Variants in FHIP1B observed in about 807,000 individuals in gnomAD.
The protein encoded by FHIP1B is FHF complex subunit HOOK interacting protein 1B.
FHIP1B carries 28 observed loss-of-function variants against 82.2 expected under a neutral mutation model. The observed-to-expected ratio is 0.34, with a 90% CI of 0.25 to 0.47. The LOEUF is 0.47. FHIP1B is among the 20% of genes least tolerant of loss of function. The pLI is 1.00. For synonymous variants in FHIP1B, 585 were observed against 516.1 expected (o/e 1.13, Z -1.81); for missense variants, 1,110 against 1,262.6 (o/e 0.88, Z 1.83).
In FHIP1B at chr11:6,218,721, C is replaced by G. The variant is rs375612041; in HGVS notation, c.1314G>C (p.Pro438=). ...PCNHVMLSQK[P]AVRDVDLYGR... ...CATATAGGTCCACATCACGAACAGC[C>G]GGCTTCTGGCTCAGCATAACGTGGT... The change falls in exon 8 of 12, where the codon CCG becomes CCC. Residue 438 remains proline, a synonymous_variant. Transcript: ENST00000449352. 1.2e-6 allele frequency: 2 copies of G among 1,613,970 alleles called. No individual in the cohort carries two copies. The highest frequency in any genetic ancestry group is 1.7e-6 in the Non-Finnish European group (2 of 1,180,026).
At chr11:6,212,195 T>A (rs776359835) in intron 11 of FHIP1B, among the ~76,000 whole-genome samples, 4 of 152,168 alleles carry the variant, frequency 2.6e-5, no homozygotes, top group Non-Finnish European at 5.9e-5. Context: ...AGCCACTTCA[T>A]TCCCAGTTAA....
At chr11:6,214,034 G>GAAAAAAAAAAA (rs59502569) in intron 11 of FHIP1B, among the ~76,000 whole-genome samples, 1 of 36,610 alleles carries the variant, frequency 2.7e-5, no homozygotes, top group Non-Finnish European at 5.0e-5. Context: ...GACCTCTCCT[G>GAAAAAAAAAAA]AAAAAAAAAA....
chr11:6,224,086 G>C lies in FHIP1B; in HGVS notation c.301C>G (p.Leu101Val), dbSNP rs1168198485. 1 of 1,613,770 alleles carries C rather than the reference G, an allele frequency of 6.2e-7. No individual in the cohort carries two copies. The highest frequency in any genetic ancestry group is 8.5e-7 in the Non-Finnish European group (1 of 1,179,890). Residue 101 changes from leucine to valine, a missense_variant, in exon 3 of 12, where the codon CTG becomes GTG. Leu to Val is a conservative substitution (Grantham distance 32, BLOSUM62 1). Around this residue, in one of 6 missense-constraint regions of FHIP1B, gnomAD observed 467 missense variants for 602.9 expected, o/e 0.77. Coordinates refer to ENST00000449352, the MANE Select transcript of FHIP1B (RefSeq NM_001098794.2). ...TGPGPLLEFA[L>V]HEDLLTRVLT... is the part of the protein sequence containing the mutation. ...ACACGGGTCAGCAGATCCTCGTGCA[G>C]AGCAAACTCCAGCAGGGGCCCAGGG...
intron 4 of FHIP1B, 88 bp from the exon 5 acceptor site, chr11:6,222,985 T>A: frequency 1.3e-6 from 2 of 1,574,644 alleles, no homozygotes; most frequent in Non-Finnish European, 8.7e-7. Flanking sequence ...AGAGGCATCC[T>A]ACTTCCAAGA....
At chr11:6,217,103 G>A in intron 9 of FHIP1B, 2 of 703,098 alleles carry the variant, frequency 2.8e-6, no homozygotes, top group Non-Finnish European at 5.2e-6. Flanking sequence ...CCAGACTAGG[G>A]AAAGAGGAGG....
intron 1 of FHIP1B, among the ~76,000 whole-genome samples, chr11:6,228,424 G>A (rs528418099): frequency 2.6e-5 from 4 of 152,148 alleles, no homozygotes; most frequent in African/African-American, 9.7e-5. Context: ...TGATTTTGCT[G>A]TAGGATGGGG....
chr11:6,211,819 T>C lies in FHIP1B; in HGVS notation c.2606A>G (p.His869Arg), dbSNP rs767800471. Residue 869 changes from histidine (H) to arginine (R), a missense_variant, in exon 12 of 12, where the codon CAC becomes CGC. Coordinates refer to ENST00000449352, the MANE Select transcript of FHIP1B (RefSeq NM_001098794.2). ...CGCCTGCCGGGCCCTGGTTGGACTG[T>C]GTGCATGCCGCAGGAGTAACTCCCC... ...SLGELLLRHA[H>R]SPTRARQAAQ... 6.2e-6 allele frequency: 10 copies of C among 1,606,290 alleles called. No homozygotes were observed. Among genetic ancestry groups the C allele is most frequent in the Non-Finnish European group, 8.5e-6 (10 of 1,176,852 alleles).
intron 1 of FHIP1B, among the ~76,000 whole-genome samples, chr11:6,234,184 T>C (rs889532217): frequency 1.3e-5 from 2 of 152,006 alleles, no homozygotes; most frequent in African/African-American, 4.8e-5. Flanking sequence ...CTCACCAATT[T>C]GCCGCCACCC....
At position 6,217,650 on chromosome 11, in the gene FHIP1B, C is replaced by T. The variant is rs1272513162; in HGVS notation, c.1936G>A (p.Ala646Thr). The change falls in exon 9 of 12, where the codon GCC becomes ACC. Residue 646 changes from alanine to threonine, a missense_variant. Physicochemically the swap from Ala to Thr is moderately conservative, Grantham distance 58. Around this residue, in one of 6 missense-constraint regions of FHIP1B, gnomAD observed 418 missense variants for 371.4 expected, o/e 1.13. Coordinates refer to ENST00000449352, the MANE Select transcript of FHIP1B (RefSeq NM_001098794.2). ...TTTGGCACCAGACGAACCTTCTTGGCCCCCTCAGGCCATGATCCTGGCACT... is the reference window on the plus strand; with the variant it reads ...TTTGGCACCAGACGAACCTTCTTGGTCCCCTCAGGCCATGATCCTGGCACT... The part of the protein sequence containing the change: ...NGVPGSWPEG[A>T]KKVRLVPKEG... 2 of 1,614,002 alleles carry T rather than the reference C, an allele frequency of 1.2e-6. No individual in the cohort carries two copies. The highest frequency in any genetic ancestry group is 1.1e-5 in the South Asian group (1 of 91,056).
At chr11:6,216,024 T>A (rs932125718) in intron 9 of FHIP1B, among the ~76,000 whole-genome samples, 3 of 152,092 alleles carry the variant, frequency 2.0e-5, no homozygotes, top group Admixed American at 6.5e-5. Context: ...CCTGGAAGTT[T>A]CTTGGAAAAA....
At chr11:6,225,388 T>C (rs1176761064) in intron 1 of FHIP1B, among the ~76,000 whole-genome samples, 1 of 152,230 alleles carries the variant, frequency 6.6e-6, no homozygotes, top group East Asian at 1.9e-4. Flanking sequence ...TTTCAAATCA[T>C]CTCCCCAGAT....
At chr11:6,233,399 C>CAG (rs1427509032) in intron 1 of FHIP1B, among the ~76,000 whole-genome samples, 1 of 152,168 alleles carries the variant, frequency 6.6e-6, no homozygotes, top group East Asian at 1.9e-4. Flanking sequence ...TCCAGAATTT[C>CAG]ACGTGCATTT....
At position 6,217,700 on chromosome 11, in the gene FHIP1B, T is replaced by G. The variant is rs1847277112; in HGVS notation, c.1886A>C (p.His629Pro). 1 of 1,612,796 alleles carries G rather than the reference T, an allele frequency of 6.2e-7. No individual in the cohort carries two copies. The highest frequency in any genetic ancestry group is 1.3e-5 in the African/African-American group (1 of 74,836). ...RAGGAGEGPG[H>P]LPPPQLNGVP... ...TCCATTGAGCTGGGGAGGGGGCAGG[T>G]GACCAGGGCCCTCCCCTGCACCCCC... The change falls in exon 9 of 12, where the codon CAC becomes CCC. Residue 629 changes from histidine (H) to proline (P), a missense_variant. By Grantham distance (77) the His-to-Pro change is moderately conservative. Coordinates refer to ENST00000449352, the MANE Select transcript of FHIP1B (RefSeq NM_001098794.2).
Position 6,223,751 on chromosome 11 carries a change from G to A in FHIP1B, c.636C>T (p.Leu212=), listed in dbSNP as rs1847481728. 1.2e-6 allele frequency: 2 copies of A among 1,614,244 alleles called. No homozygotes were observed. Among genetic ancestry groups the A allele is most frequent in the Admixed American group, 1.7e-5 (1 of 60,032 alleles). ...PEPGAAPRLL[L]FSRLVPFVHR... is the part of the protein sequence containing the mutation. The stretch of plus-strand genomic sequence containing the variant: ...GCACAAAAGGGACAAGGCGAGAAAA[G>A]AGAAGAAGACGGGGAGCGGCTCCAG... Residue 212 remains leucine (L), a synonymous_variant, in exon 3 of 12, where the codon CTC becomes CTT. Coordinates refer to ENST00000449352, the MANE Select transcript of FHIP1B (RefSeq NM_001098794.2). This position sits in a 1 kb window ranked among gnomAD's most constrained non-coding sequence, Gnocchi z 4.8.
In FHIP1B at chr11:6,214,855, A is replaced by C; in HGVS notation, c.2272T>G (p.Tyr758Asp). 6.2e-7 allele frequency: 1 copy of C among 1,611,872 alleles called. No individual in the cohort carries two copies. Among genetic ancestry groups the C allele is most frequent in the Non-Finnish European group, 8.5e-7 (1 of 1,178,896 alleles). The change falls in exon 10 of 12, where the codon TAT becomes GAT. Residue 758 changes from tyrosine to aspartate, a missense_variant. Transcript: ENST00000449352. Reference protein sequence around the residue: ...KLENMLQNSVYVNFLLTGLVA... With the variant: ...KLENMLQNSVDVNFLLTGLVA... ...AGCCCCGTCAGCAGGAAGTTGACAT[A>C]GACGGAGTTCTGCAGCATGTTCTCG...
rs1847267831 is a variant in FHIP1B at position 6,217,510 on chromosome 11, T to C, written c.2076A>G (p.Ser692=). The stretch of plus-strand genomic sequence containing the variant: ...GCAGTGGAGGTTCTAAGGGGGACTC[T>C]GAGCCAGTTCCCCCATTGCTCAATG... ...EVALSNGGTG[S]ESPLEPPLPL... is the part of the protein sequence containing the mutation. Residue 692 remains serine (S), a synonymous_variant, in exon 9 of 12, where the codon TCA becomes TCG. Transcript: ENST00000449352. 1 of 1,612,174 alleles carries C rather than the reference T, an allele frequency of 6.2e-7. No individual in the cohort carries two copies. The highest frequency in any genetic ancestry group is 1.3e-5 in the African/African-American group (1 of 74,866).
chr11:6,217,832 G>A lies in FHIP1B; in HGVS notation c.1754C>T (p.Pro585Leu). 2 of 1,613,858 alleles carry A rather than the reference G, an allele frequency of 1.2e-6. No homozygotes were observed. The highest frequency in any genetic ancestry group is 8.5e-7 in the Non-Finnish European group (1 of 1,179,932). ...CTTAGTCCGGGAGCCAAAAGGACTG[G>A]GCTCAGGAGAGGGCCGCTCGCCATC... Reference protein sequence around the residue: ...PYDGERPSPEPSPFGSRTKKR... With the variant: ...PYDGERPSPELSPFGSRTKKR... The change falls in exon 9 of 12, where the codon CCC (proline) becomes CTC (leucine). Residue 585 changes from proline to leucine, a missense_variant. Pro to Leu is a moderately conservative substitution (Grantham distance 98). Around this residue, in one of 6 missense-constraint regions of FHIP1B, gnomAD observed 418 missense variants for 371.4 expected, o/e 1.13. Coordinates refer to ENST00000449352, the MANE Select transcript of FHIP1B (RefSeq NM_001098794.2).
Position 6,224,369 on chromosome 11 carries a change from A to C in FHIP1B, c.138+10T>G. On this transcript the variant is annotated intron_variant, in intron 2 of 11. Transcript: ENST00000449352. Reference sequence around the variant, plus strand: ...CAGCAGACAAGGCCCTTTGCCATACAGTCTCCTACCTGGGACCAGTGATTC... The same window carrying C: ...CAGCAGACAAGGCCCTTTGCCATACCGTCTCCTACCTGGGACCAGTGATTC... 6.2e-7 allele frequency: 1 copy of C among 1,614,202 alleles called. No individual in the cohort carries two copies. The highest frequency in any genetic ancestry group is 8.5e-7 in the Non-Finnish European group (1 of 1,180,026).
At chr11:6,221,748 G>A (rs945145062) in intron 6 of FHIP1B, among the ~76,000 whole-genome samples, 11 of 152,064 alleles carry the variant, frequency 7.2e-5, no homozygotes, top group Non-Finnish European at 1.5e-4. Flanking sequence ...CTTCAGAGAG[G>A]TCTTCCTTGG....
Sources: gnomAD v4.1 joint callset for allele counts (sites outside exome capture counted in the v4.1 genomes callset) on GRCh38, gnomAD v4.1.1 for gene constraint, gnomAD v4.1.1 regional missense constraint, Gnocchi (gnomAD v3.1) non-coding constraint, MANE v1.5 for transcripts, NCBI Gene and HGNC (gene_info 2026-07-23, HGNC 2026-07-21) for gene names.